Variants in TMX2 observed in about 807,000 individuals in gnomAD.
TMX2 encodes thioredoxin-related transmembrane protein 2.
TMX2 carries 20 observed loss-of-function variants against 33.4 expected under a neutral mutation model. That is an observed-to-expected ratio of 0.60 (90% CI 0.42 to 0.87). The LOEUF (loss-of-function observed/expected upper bound fraction) is 0.87. Among genes scored for constraint, TMX2 ranks in the 40% least tolerant of loss-of-function variants. The pLI, the probability that TMX2 is intolerant of heterozygous loss-of-function variation, is 0.00. For missense variants in TMX2, 340 were observed against 370.7 expected, an observed-to-expected ratio of 0.92 and a Z score of 0.68; for synonymous variants, 166 against 140.7, an observed-to-expected ratio of 1.18 and a Z score of -1.27.
chr11:57,724,678 T>C (rs1947859157), intron 1 of TMX2, among the ~76,000 whole-genome samples: 1 of 151,134 alleles, frequency 6.6e-6, no homozygotes, highest in Non-Finnish European at 1.5e-5. Flanking sequence ...AACTGTAAAA[T>C]GTAAGATGTT....
chr11:57,717,954 C>T (rs990794783), intron 1 of TMX2: 34 of 698,672 alleles, frequency 4.9e-5, no homozygotes, highest in African/African-American at 4.3e-4. Context: ...TAGGATACTG[C>T]GAGCAAATGG....
At chr11:57,737,891 C>A (rs1375722015) in intron 2 of TMX2, 22 bp from the exon 3 acceptor site, 2 of 1,614,090 alleles carry the variant, frequency 1.2e-6, no homozygotes, top group Non-Finnish European at 1.7e-6. Context: ...CCAGCCTGAC[C>A]TGTGACATCT....
chr11:57,736,172 T>A (rs1948740552), intron 1 of TMX2, among the ~76,000 whole-genome samples: 1 of 152,182 alleles, frequency 6.6e-6, no homozygotes, highest in South Asian at 2.1e-4. Context: ...CTTAGAATTC[T>A]ATTACTTCTC....
chr11:57,738,439 T>A lies in TMX2; in HGVS notation c.441+9T>A. On this transcript the variant is annotated intron_variant, in intron 4 of 7. Transcript: ENST00000278422. Reference sequence around the variant, plus strand: ...ATGATAAAACCATTGATGTGAGTGCTCTTTCCCCTTTCTGTTTCTTGGGTC... The same window carrying A: ...ATGATAAAACCATTGATGTGAGTGCACTTTCCCCTTTCTGTTTCTTGGGTC... 6.3e-7 allele frequency: 1 copy of A among 1,598,966 alleles called. No homozygotes were observed. The highest frequency in any genetic ancestry group is 8.6e-7 in the Non-Finnish European group (1 of 1,166,730).
chr11:57,727,352 C>G (rs879874776), intron 1 of TMX2, among the ~76,000 whole-genome samples: 5 of 152,120 alleles, frequency 3.3e-5, no homozygotes, highest in Admixed American at 2.6e-4. Context: ...TCAGACAACT[C>G]TAGGAATGAG....
At chr11:57,737,573 T>G in intron 1 of TMX2, 35 bp from the exon 2 acceptor site, 2 of 1,589,538 alleles carry the variant, frequency 1.3e-6, no homozygotes, top group Non-Finnish European at 1.7e-6. Flanking sequence ...CTCTAGTCAC[T>G]GCATTCCTGT....
At position 57,739,209 on chromosome 11, in the gene TMX2, G is replaced by A; in HGVS notation, c.693G>A (p.Arg231=). Residue 231 remains arginine (R), a synonymous_variant, in exon 7 of 8, where the codon CGG becomes CGA. Transcript: ENST00000278422. ...ILFQGGKEAM[R]RPQIDKKGRA... is the part of the protein sequence containing the mutation. ...TCCAAGGTGGCAAGGAGGCAATGCGGCGGCCACAGATTGACAAGAAAGGAC... is the reference window on the plus strand; with the variant it reads ...TCCAAGGTGGCAAGGAGGCAATGCGACGGCCACAGATTGACAAGAAAGGAC... 1 of 1,614,092 alleles carries A rather than the reference G, an allele frequency of 6.2e-7. No homozygotes were observed. The highest frequency in any genetic ancestry group is 8.5e-7 in the Non-Finnish European group (1 of 1,180,032).
intron 1 of TMX2, among the ~76,000 whole-genome samples, chr11:57,735,744 C>A (rs560171282): frequency 6.6e-6 from 1 of 152,276 alleles, no homozygotes; most frequent in African/African-American, 2.4e-5. Flanking sequence ...CATATCTGTC[C>A]ATAAGACCCA....
At chr11:57,718,411 A>G in intron 1 of TMX2, 1 of 1,362,530 alleles carries the variant, frequency 7.3e-7, no homozygotes, top group Non-Finnish European at 1.0e-6. Context: ...CTTTTTGTCC[A>G]GTGCTCAGAG....
chr11:57,731,278 C>T (rs1948385685), intron 1 of TMX2, among the ~76,000 whole-genome samples: 1 of 151,230 alleles, frequency 6.6e-6, no homozygotes, highest in Non-Finnish European at 1.5e-5. Flanking sequence ...GGATTACAAG[C>T]ATGCGCCACT....
At chr11:57,727,252 A>T (rs568802865) in intron 1 of TMX2, among the ~76,000 whole-genome samples, 19 of 152,258 alleles carry the variant, frequency 1.2e-4, no homozygotes, top group Admixed American at 9.8e-4. Context: ...CCATTATCCA[A>T]ATCGCTAATA....
rs550666292 is a variant in TMX2 at position 57,712,746 on chromosome 11, C to T, written c.128C>T (p.Pro43Leu). ...GCCTTCCTACTCGTGAGGAAACTGCCGCCGCTCTGCCACGGTCTGCCCACC... is the reference window on the plus strand; with the variant it reads ...GCCTTCCTACTCGTGAGGAAACTGCTGCCGCTCTGCCACGGTCTGCCCACC... ...SAAFLLVRKL[P>L]PLCHGLPTQR... Residue 43 changes from proline (P) to leucine (L), a missense_variant, in exon 1 of 8, where the codon CCG (proline) becomes CTG (leucine). Pro to Leu is a moderately conservative substitution (Grantham distance 98). Coordinates refer to ENST00000278422, the MANE Select transcript of TMX2 (RefSeq NM_015959.4). 20 of 1,614,174 alleles carry T rather than the reference C, an allele frequency of 1.2e-5. No individual in the cohort carries two copies. Among genetic ancestry groups the T allele is most frequent in the East Asian group, 4.5e-5 (2 of 44,878 alleles).
intron 7 of TMX2, 144 bp downstream of exon 7, chr11:57,739,404 C>G (rs1172949036): frequency 1.3e-6 from 1 of 760,074 alleles, no homozygotes; most frequent in East Asian, 2.7e-5. Context: ...TGTTTTAATT[C>G]ATTTAGCAAA....
rs1183104624 is a variant in TMX2 at position 57,719,514 on chromosome 11, C to CTTTTTTTTTTTTTT, written c.189+6718_189+6731dup. Among the ~76,000 whole-genome samples the CTTTTTTTTTTTTTT allele has an allele frequency of 2.5e-3, 175 of 70,534 alleles. 1 individual carries two copies. Among genetic ancestry groups the CTTTTTTTTTTTTTT allele is most frequent in the Non-Finnish European group, 3.0e-3 (122 of 40,078 alleles). 46.3% of individuals were successfully genotyped at this position (70,534 alleles called of 152,430 possible). A position where few individuals can be genotyped will look rare whatever the true frequency, so the allele number is the denominator to read the frequency against. Reference sequence around the variant, plus strand: ...AATGTAAAATTTCTTTTTTCTTTGTCTTTTTTTTTTTTTTTTTTTTTTTTG... The same window carrying CTTTTTTTTTTTTTT: ...AATGTAAAATTTCTTTTTTCTTTGTCTTTTTTTTTTTTTTTTTTTTTTTTTTTTTTTTTTTTTTG... On this transcript the variant is annotated intron_variant, in intron 1 of 7. Coordinates refer to ENST00000278422, the MANE Select transcript of TMX2 (RefSeq NM_015959.4).
intron 1 of TMX2, among the ~76,000 whole-genome samples, chr11:57,721,766 T>A (rs765061452): frequency 1.6e-4 from 25 of 152,130 alleles, no homozygotes; most frequent in Non-Finnish European, 1.3e-4. Flanking sequence ...AAAAATAGGC[T>A]AAGATAGCGA....
intron 1 of TMX2, among the ~76,000 whole-genome samples, chr11:57,720,425 CAG>C (rs1157040476): frequency 6.6e-6 from 1 of 152,216 alleles, no homozygotes; most frequent in East Asian, 1.9e-4. Context: ...TTTTTTGAAA[CAG>C]AGTCTTGCTC....
intron 1 of TMX2, among the ~76,000 whole-genome samples, chr11:57,728,963 C>T (rs2135559477): frequency 6.6e-6 from 1 of 152,134 alleles, no homozygotes; most frequent in South Asian, 2.1e-4. Flanking sequence ...CGTTTTGAGC[C>T]CTCTCAGAGG....
At chr11:57,716,402 C>A (rs1436726105) in intron 1 of TMX2, among the ~76,000 whole-genome samples, 1 of 114,596 alleles carries the variant, frequency 8.7e-6, no homozygotes. Context: ...GCTGACCCCC[C>A]CACCTCCCTC....
At chr11:57,739,752 A>AG (rs1327137365) in intron 7 of TMX2, among the ~76,000 whole-genome samples, 5 of 151,004 alleles carry the variant, frequency 3.3e-5, no homozygotes, top group African/African-American at 1.2e-4. Context: ...AGACTCCATC[A>AG]GGAAAAAAAA....
Sources: gnomAD v4.1 joint callset for allele counts (sites outside exome capture counted in the v4.1 genomes callset) on GRCh38, gnomAD v4.1.1 for gene constraint, MANE v1.5 for transcripts, NCBI Gene and HGNC (gene_info 2026-07-23, HGNC 2026-07-21) for gene names.